MYSM1: variants seen among roughly 807,000 people sequenced by gnomAD.
MYSM1 encodes the protein deubiquitinase MYSM1.
Under a neutral mutation model 116.0 loss-of-function variants are expected in MYSM1, and 51 were observed. The observed-to-expected ratio is 0.44, with a 90% confidence interval of 0.35 to 0.56. The LOEUF is 0.56. MYSM1 is among the 20% of genes least tolerant of loss of function. MYSM1 has a pLI of 0.00. For synonymous variants in MYSM1, 313 were observed against 315.2 expected (o/e 0.99, Z 0.07); for missense variants, 900 against 974.9 (o/e 0.92, Z 1.02).
intron 8 of MYSM1, among the ~76,000 whole-genome samples, chr1:58,680,262 G>A (rs1295931769): frequency 1.3e-5 from 2 of 152,124 alleles, no homozygotes; most frequent in South Asian, 2.1e-4. Context: ...AGTCCTTCAT[G>A]TGTCAGTGAC....
rs772147645 is a variant in MYSM1, at chr1:58,665,549, T to C, written c.2114A>G (p.Gln705Arg). 6.2e-7 allele frequency: 1 copy of C among 1,604,846 alleles called. No individual in the cohort carries two copies. The highest frequency in any genetic ancestry group is 1.7e-5 in the Admixed American group (1 of 59,882). Residue 705 changes from glutamine (Q) to arginine (R), a missense_variant, in exon 17 of 20, where the codon CAG (glutamine) becomes CGG (arginine). By Grantham distance (43) the Gln-to-Arg change is conservative. Around this residue, in one of 3 missense-constraint regions of MYSM1, gnomAD observed 186 missense variants for 196.2 expected, o/e 0.95. Transcript: ENST00000472487. ...YNRNNPLPYS[Q>R]ITCLVISEEI... ...CTCACTTATAACCAGGCAGGTAATC[T>C]GAGAATATGGTAAGGGATTATTTCG... is the stretch of plus-strand genomic sequence containing the variant.
At chr1:58,664,622 G>T (rs1030561133) in intron 17 of MYSM1, among the ~76,000 whole-genome samples, 1 of 152,106 alleles carries the variant, frequency 6.6e-6, no homozygotes, top group Non-Finnish European at 1.5e-5. Context: ...CAAATATAGG[G>T]CATCCAAGAG....
In MYSM1 at chr1:58,665,494, C is replaced by G; in HGVS notation, c.2164+5G>C. On this transcript the variant is annotated splice_donor_5th_base_variant and intron_variant, in intron 17 of 19. Coordinates refer to ENST00000472487, the MANE Select transcript of MYSM1 (RefSeq NM_001085487.3). Reference sequence around the variant, plus strand: ...AGGATAAAGTTATTTTTGTTGAAAACTTACGATAAGAGCCATCTGGGCTAA... The same window carrying G: ...AGGATAAAGTTATTTTTGTTGAAAAGTTACGATAAGAGCCATCTGGGCTAA... 1 of 1,579,052 alleles carries G rather than the reference C, an allele frequency of 6.3e-7. No homozygotes were observed. The highest frequency in any genetic ancestry group is 8.6e-7 in the Non-Finnish European group (1 of 1,164,174).
At chr1:58,665,747 T>TA in intron 16 of MYSM1, 116 bp from the exon 17 acceptor site, 6 of 744,260 alleles carry the variant, frequency 8.1e-6, no homozygotes, top group Non-Finnish European at 1.3e-5. Flanking sequence ...AAAGGTGCAT[T>TA]AAAAAGTTCA....
chr1:58,657,285 C>A lies in MYSM1; in HGVS notation c.*2712G>T, dbSNP rs889113410. 1 of 151,288 alleles carries A rather than the reference C, an allele frequency of 6.6e-6. No homozygotes were observed. The highest frequency in any genetic ancestry group is 1.5e-5 in the Non-Finnish European group (1 of 67,852). 9.4% of individuals were successfully genotyped at this position (151,288 alleles called of 1,614,324 possible). A position where few individuals can be genotyped will look rare whatever the true frequency, so the allele number is the denominator to read the frequency against. On this transcript the variant is annotated 3_prime_UTR_variant, in exon 20 of 20. Coordinates refer to ENST00000472487, the MANE Select transcript of MYSM1 (RefSeq NM_001085487.3). The stretch of plus-strand genomic sequence containing the variant: ...TTATTTTATAGTCATTGTGCAATAA[C>A]AAAGACAGAATCAGGATGAAGACAC...
At chr1:58,672,315 G>A (rs11207286) in intron 11 of MYSM1, among the ~76,000 whole-genome samples, 86,380 of 151,808 alleles carry the variant, frequency 0.57, 24,872 homozygotes, top group East Asian at 0.64. Flanking sequence ...GAGAGACAGT[G>A]CAGAGTAATG....
chr1:58,688,706 AGAG>A (rs1644863002), intron 6 of MYSM1, among the ~76,000 whole-genome samples: 1 of 149,212 alleles, frequency 6.7e-6, no homozygotes. Flanking sequence ...AAAAAAAAAA[AGAG>A]ATTACTAAAT....
In MYSM1 at chr1:58,700,022, C is replaced by A; in HGVS notation, c.31G>T (p.Glu11Ter). Residue 11 changes from glutamate (E) to a stop codon, truncating the protein, a stop_gained, in exon 1 of 20, where the codon GAA becomes TAA. Coordinates refer to ENST00000472487, the MANE Select transcript of MYSM1 (RefSeq NM_001085487.3). LOFTEE classifies it high-confidence loss of function. Reference protein sequence around the residue: MAAEEADVDIEGDVVAAAGAQ... With the variant: MAAEEADVDI ...CCCGCCGCCGCTACCACGTCCCCTTCGATATCCACATCCGCCTCTTCAGCC... is the reference window on the plus strand; with the variant it reads ...CCCGCCGCCGCTACCACGTCCCCTTAGATATCCACATCCGCCTCTTCAGCC... 6.2e-7 allele frequency: 1 copy of A among 1,613,744 alleles called. No individual in the cohort carries two copies. Among genetic ancestry groups the A allele is most frequent in the Non-Finnish European group, 8.5e-7 (1 of 1,180,014 alleles).
chr1:58,662,257 A>C (rs1644403912), intron 17 of MYSM1, among the ~76,000 whole-genome samples: 2 of 152,140 alleles, frequency 1.3e-5, no homozygotes, highest in South Asian at 4.1e-4. Context: ...AGGAAAAAAT[A>C]CCAAACGATG....
At chr1:58,686,292 A>G (rs1644826784) in intron 6 of MYSM1, among the ~76,000 whole-genome samples, 1 of 152,218 alleles carries the variant, frequency 6.6e-6, no homozygotes, top group African/African-American at 2.4e-5. Flanking sequence ...TGACAGCTAA[A>G]AGGGACTGTT....
At position 58,661,494 on chromosome 1, in the gene MYSM1, C is replaced by T; in HGVS notation, c.2182G>A (p.Glu728Lys). ...GGTTCTTCTAACATCTGCTGTACTTCAAATTTGTAAGGTAAGCCTAGAAAA... is the reference window on the plus strand; with the variant it reads ...GGTTCTTCTAACATCTGCTGTACTTTAAATTTGTAAGGTAAGCCTAGAAAA... ...DGSYRLPYKF[E>K]VQQMLEEPQW... is the part of the protein sequence containing the mutation. The change falls in exon 18 of 20, where the codon GAA becomes AAA. Residue 728 changes from glutamate (E) to lysine (K), a missense_variant. By Grantham distance (56) the Glu-to-Lys change is moderately conservative (BLOSUM62 1). Transcript: ENST00000472487. The T allele has an allele frequency of 1.2e-6, 2 of 1,601,258 alleles. No homozygotes were observed. The highest frequency in any genetic ancestry group is 1.3e-5 in the African/African-American group (1 of 74,672).
At chr1:58,674,444 C>T (rs1017790389) in intron 10 of MYSM1, among the ~76,000 whole-genome samples, 4 of 152,056 alleles carry the variant, frequency 2.6e-5, no homozygotes, top group Non-Finnish European at 5.9e-5. Context: ...ATGACTAGCA[C>T]CATATCCAGC....
In MYSM1 at chr1:58,690,261, GA is replaced by G; in HGVS notation, c.297-13del. On this transcript the variant is annotated splice_polypyrimidine_tract_variant and intron_variant, in intron 4 of 19. Coordinates refer to ENST00000472487, the MANE Select transcript of MYSM1 (RefSeq NM_001085487.3). ...CTGTTTTCTGCAGACTGCATCACAT[GA>G]AAAAAGAAAATAAGGAAGCGTGTGA... 1 of 1,572,386 alleles carries G rather than the reference GA, an allele frequency of 6.4e-7. No individual in the cohort carries two copies. Among genetic ancestry groups the G allele is most frequent in the South Asian group, 1.2e-5 (1 of 81,396 alleles).
intron 1 of MYSM1, among the ~76,000 whole-genome samples, chr1:58,697,192 C>G (rs1644987892): frequency 6.6e-6 from 1 of 152,084 alleles, no homozygotes; most frequent in South Asian, 2.1e-4. Context: ...AAGTTTAGGT[C>G]TGTGCTTTGG....
chr1:58,681,898 A>G lies in MYSM1; in HGVS notation c.1146T>C (p.Asp382=), dbSNP rs1356570600. 1.9e-6 allele frequency: 3 copies of G among 1,613,756 alleles called. No homozygotes were observed. The highest frequency in any genetic ancestry group is 1.7e-6 in the Non-Finnish European group (2 of 1,179,868). The change falls in exon 8 of 20, where the codon GAT becomes GAC. Residue 382 remains aspartate, a synonymous_variant. Transcript: ENST00000472487. ...TTTCTTCTTCTTGAATGATATTTCT[A>G]TCTATTTCTATTTCCTGTTCTGGTG... The part of the protein sequence containing the change: ...LKPPEQEIEI[D]RNIIQEEEKQ...
At position 58,692,801 on chromosome 1, in the gene MYSM1, G is replaced by A. The variant is rs936454667; in HGVS notation, c.218+60C>T. The A allele has an allele frequency of 5.4e-6, 7 of 1,299,810 alleles. No individual in the cohort carries two copies. In the African/African-American group the frequency reaches 1.0e-4, roughly 19 times the overall value. The allele number at this position is 1,299,810 out of a possible 1,614,324, so 80.5% of individuals were successfully genotyped here. Reference sequence around the variant, plus strand: ...TAAACAGTGGCCTCTTGTAAATTTTGCATTTATAGATTTTTTTCACCCTGA... The same window carrying A: ...TAAACAGTGGCCTCTTGTAAATTTTACATTTATAGATTTTTTTCACCCTGA... On this transcript the variant is annotated intron_variant, in intron 3 of 19. Transcript: ENST00000472487.
chr1:58,685,058 C>A (rs1007310704), intron 7 of MYSM1, 95 bp downstream of exon 7: 4 of 987,448 alleles, frequency 4.1e-6, no homozygotes, highest in Non-Finnish European at 5.8e-6. Context: ...AAAACTTTTA[C>A]CAGTAAGACT....
At chr1:58,667,446 T>C (rs1334982031) in intron 15 of MYSM1, among the ~76,000 whole-genome samples, 4 of 152,202 alleles carry the variant, frequency 2.6e-5, no homozygotes, top group Non-Finnish European at 5.9e-5. Flanking sequence ...GTCATAATAA[T>C]GGTTAGTTTT....
In MYSM1 at chr1:58,685,169, T is replaced by G; in HGVS notation, c.482A>C (p.Gln161Pro). ...TVLQVKSYAR[Q>P]YFKNKVKCGL... ...TCTGCTTACCTTATTTTTAAAATAC[T>G]GTCTTGCATAACTCTTCACTTGTAA... Residue 161 changes from glutamine to proline, a missense_variant, in exon 7 of 20, where the codon CAG (glutamine) becomes CCG (proline). Coordinates refer to ENST00000472487, the MANE Select transcript of MYSM1 (RefSeq NM_001085487.3). 6.3e-7 allele frequency: 1 copy of G among 1,594,652 alleles called. No individual in the cohort carries two copies. Among genetic ancestry groups the G allele is most frequent in the Non-Finnish European group, 8.5e-7 (1 of 1,174,332 alleles).
Sources: allele counts gnomAD v4.1 joint callset (sites outside exome capture counted in the v4.1 genomes callset), GRCh38; gene constraint gnomAD v4.1.1; regional missense constraint gnomAD v4.1.1; transcripts MANE v1.5; gene names NCBI Gene and HGNC (gene_info 2026-07-23, HGNC 2026-07-21).